Variants in CDH12 observed in about 807,000 individuals in gnomAD.
CDH12 encodes cadherin 12, also known as cadherin-12.
Under a neutral mutation model 74.1 loss-of-function variants are expected in CDH12, and 41 were observed. That is an observed-to-expected ratio of 0.55 (90% CI 0.43 to 0.72). The LOEUF is 0.72. Ranked by LOEUF, CDH12 falls within the 30% of genes least tolerant of loss-of-function variation. The pLI, the probability that CDH12 is intolerant of heterozygous loss-of-function variation, is 0.00. For synonymous variants in CDH12, 399 were observed against 355.0 expected (o/e 1.12, Z -1.39); for missense variants, 945 against 977.2 (o/e 0.97, Z 0.44).
chr5:22,337,018 C>T (rs1183271063), intron 3 of CDH12, among the ~76,000 whole-genome samples: 2 of 152,200 alleles, frequency 1.3e-5, no homozygotes, highest in African/African-American at 4.8e-5. Flanking sequence ...TGGGAACCTA[C>T]CTCTTGCATA....
At chr5:22,678,068 T>C (rs1325327938) in intron 1 of CDH12, among the ~76,000 whole-genome samples, 1 of 151,586 alleles carries the variant, frequency 6.6e-6, no homozygotes, top group East Asian at 1.9e-4. Flanking sequence ...AGGATTTTAA[T>C]GTAAAATTTT....
At chr5:21,936,910 G>T (rs1755098377) in intron 6 of CDH12, among the ~76,000 whole-genome samples, 1 of 152,156 alleles carries the variant, frequency 6.6e-6, no homozygotes, top group African/African-American at 2.4e-5. Context: ...CTTCCACCAT[G>T]ATTATAAGTT....
intron 3 of CDH12, among the ~76,000 whole-genome samples, chr5:22,360,042 C>T (rs1740732212): frequency 6.6e-6 from 1 of 151,972 alleles, no homozygotes; most frequent in African/African-American, 2.4e-5. Context: ...AGAGCAAACA[C>T]ATTCAAAAGC....
chr5:21,909,247 C>G (rs181954807), intron 6 of CDH12, among the ~76,000 whole-genome samples: 13 of 152,154 alleles, frequency 8.5e-5, no homozygotes, highest in East Asian at 3.9e-4. Context: ...AACATTGAAG[C>G]CTTCATTAAT....
intron 4 of CDH12, among the ~76,000 whole-genome samples, chr5:22,169,094 C>A (rs185026530): frequency 3.6e-4 from 55 of 151,906 alleles, no homozygotes; most frequent in African/African-American, 1.2e-3. Flanking sequence ...CCCTCTCCTC[C>A]TGTCTATGTC....
chr5:22,229,137 CTT>C (rs1238818727), intron 3 of CDH12, among the ~76,000 whole-genome samples: 7 of 139,652 alleles, frequency 5.0e-5, no homozygotes, highest in Admixed American at 7.2e-5. Flanking sequence ...AATCCTTTTT[CTT>C]TTTTTTTTTT....
intron 1 of CDH12, among the ~76,000 whole-genome samples, chr5:22,703,227 T>C (rs1161312889): frequency 6.6e-6 from 1 of 152,174 alleles, no homozygotes; most frequent in African/African-American, 2.4e-5. Flanking sequence ...ATAGACCTTG[T>C]GCTATCTTTT....
At chr5:22,723,982 G>A (rs998641097) in intron 1 of CDH12, among the ~76,000 whole-genome samples, 9 of 151,810 alleles carry the variant, frequency 5.9e-5, no homozygotes, top group Admixed American at 1.3e-4. Context: ...TGATTAATAC[G>A]TGATACCGTT....
chr5:22,374,122 A>G (rs1458504837), intron 3 of CDH12, among the ~76,000 whole-genome samples: 1 of 152,228 alleles, frequency 6.6e-6, no homozygotes, highest in African/African-American at 2.4e-5. Flanking sequence ...ATGACAAAGT[A>G]GGAATTATAC....
chr5:22,316,445 C>T (rs1330200036), intron 3 of CDH12, among the ~76,000 whole-genome samples: 2 of 152,058 alleles, frequency 1.3e-5, no homozygotes, highest in African/African-American at 4.8e-5. Flanking sequence ...CCATATAATG[C>T]CAATATTATT....
chr5:21,802,593 C>CTTTTT (rs35742047), intron 9 of CDH12, among the ~76,000 whole-genome samples, 173 bp from the exon 10 acceptor site: 5,045 of 120,134 alleles, frequency 0.042, 389 homozygotes, highest in Non-Finnish European at 0.048. Flanking sequence ...ATTTTTTTTT[C>CTTTTT]TTTTTTTTTT....
At chr5:21,987,747 T>C (rs1174275101) in intron 5 of CDH12, among the ~76,000 whole-genome samples, 1 of 152,172 alleles carries the variant, frequency 6.6e-6, no homozygotes, top group African/African-American at 2.4e-5. Flanking sequence ...TCTAAGTATA[T>C]TGATGAGCGC....
chr5:22,563,036 T>A (rs1337387987), intron 1 of CDH12, among the ~76,000 whole-genome samples: 1 of 147,544 alleles, frequency 6.8e-6, no homozygotes, highest in Non-Finnish European at 1.5e-5. Flanking sequence ...ATGCATAAAT[T>A]TATATATTGA....
At chr5:22,074,107 C>A (rs1224975123) in intron 5 of CDH12, among the ~76,000 whole-genome samples, 2 of 151,992 alleles carry the variant, frequency 1.3e-5, no homozygotes, top group Non-Finnish European at 2.9e-5. Context: ...TCAGCCTATG[C>A]AATGTGAAGA....
intron 4 of CDH12, among the ~76,000 whole-genome samples, chr5:22,126,719 T>A (rs192116408): frequency 2.0e-5 from 3 of 152,172 alleles, no homozygotes; most frequent in African/African-American, 7.2e-5. Context: ...TTGCAGAGTC[T>A]CTCATCTATT....
intron 4 of CDH12, among the ~76,000 whole-genome samples, chr5:22,161,288 A>C (rs1310222767): frequency 6.6e-6 from 1 of 152,168 alleles, no homozygotes; most frequent in Non-Finnish European, 1.5e-5. Flanking sequence ...ATTAAAGATA[A>C]AATTTTTAGA....
At chr5:21,775,503 C>T (rs1745537584) in intron 11 of CDH12, among the ~76,000 whole-genome samples, 1 of 152,128 alleles carries the variant, frequency 6.6e-6, no homozygotes, top group Non-Finnish European at 1.5e-5. Context: ...GAAGCCTCAG[C>T]CTCCTCTCTG....
chr5:22,095,511 C>T (rs867600058), intron 4 of CDH12, among the ~76,000 whole-genome samples: 10 of 152,140 alleles, frequency 6.6e-5, no homozygotes, highest in East Asian at 1.9e-4. Flanking sequence ...TCACCCTTAG[C>T]GGCAAGTACT....
intron 5 of CDH12, among the ~76,000 whole-genome samples, chr5:22,047,528 C>A (rs1475290406): frequency 6.8e-6 from 1 of 146,968 alleles, no homozygotes; most frequent in Non-Finnish European, 1.5e-5. Flanking sequence ...AAGTAAACAC[C>A]CCCCCCCACA....
Sources: gnomAD v4.1 joint callset for allele counts (sites outside exome capture counted in the v4.1 genomes callset) on GRCh38, gnomAD v4.1.1 for gene constraint, MANE v1.5 for transcripts, NCBI Gene and HGNC (gene_info 2026-07-23, HGNC 2026-07-21) for gene names.